CACNA2D3: variants seen among roughly 807,000 people sequenced by gnomAD.
CACNA2D3 encodes the protein calcium voltage-gated channel auxiliary subunit alpha2delta 3.
CACNA2D3 carries 60 observed loss-of-function variants against 160.6 expected under a neutral mutation model. The ratio of observed to expected loss-of-function variants is 0.37; its 90% CI spans 0.30 to 0.46. The LOEUF is 0.46. CACNA2D3 is among the 20% of genes least tolerant of loss of function. The pLI is 1.00. For synonymous variants in CACNA2D3, 558 were observed against 492.9 expected, an observed-to-expected ratio of 1.13 and a Z score of -1.75; for missense variants, 1,205 against 1,365.0, an observed-to-expected ratio of 0.88 and a Z score of 1.85.
In CACNA2D3 at chr3:54,545,535, CT is replaced by C. The variant is rs201192269; in HGVS notation, c.545-17257del. 2.0e-3 allele frequency among the ~76,000 whole-genome samples: 300 copies of C among 152,212 alleles called. 1 individual carries two copies. Among genetic ancestry groups the C allele is most frequent in the African/African-American group, 5.9e-3 (245 of 41,544 alleles). ...ATTATTTCCCACGAAGCACTTCTTT[CT>C]TTTTTTTCTTTACATCCCAAGAGAT... On this transcript the variant is annotated intron_variant, in intron 5 of 37. Transcript: ENST00000474759.
At chr3:54,626,348 A>G in intron 9 of CACNA2D3, 1 of 1,557,188 alleles carries the variant, frequency 6.4e-7, no homozygotes, top group Non-Finnish European at 8.7e-7. Context: ...CGGCGGCTGA[A>G]CCGGGGCCTG....
At chr3:54,691,702 C>T (rs185488968) in intron 11 of CACNA2D3, among the ~76,000 whole-genome samples, 191 of 152,298 alleles carry the variant, frequency 1.3e-3, no homozygotes, top group African/African-American at 4.5e-3. Context: ...GGAGAGGAGC[C>T]AGCTCTGGGG....
chr3:55,017,601 A>G (rs1360970363), intron 34 of CACNA2D3, among the ~76,000 whole-genome samples: 3 of 152,166 alleles, frequency 2.0e-5, no homozygotes, highest in Admixed American at 6.5e-5. Context: ...GAGGTTTTGG[A>G]TCTTGCCCAC....
At chr3:54,793,579 TTGGTGA>T (rs201471218) in intron 13 of CACNA2D3, among the ~76,000 whole-genome samples, 4,956 of 152,274 alleles carry the variant, frequency 0.033, 124 homozygotes, top group Non-Finnish European at 0.046. Context: ...GCAACCACTC[TTGGTGA>T]TGATGGGGCA....
At chr3:54,764,494 C>T (rs1575464452) in intron 13 of CACNA2D3, 143 bp downstream of exon 13, 2 of 957,684 alleles carry the variant, frequency 2.1e-6, no homozygotes, top group Non-Finnish European at 1.5e-6. Flanking sequence ...TGTTGGTCAC[C>T]TTGACAAGCA....
chr3:54,888,208 G>A (rs2360659), intron 24 of CACNA2D3, among the ~76,000 whole-genome samples, 156 bp downstream of exon 24: 16,822 of 152,256 alleles, frequency 0.11, 952 homozygotes, highest in Middle Eastern at 0.18. Flanking sequence ...GAGCAGATTA[G>A]CGGCTCGGGC....
chr3:54,464,948 T>C (rs1700589773), intron 4 of CACNA2D3, among the ~76,000 whole-genome samples: 1 of 152,200 alleles, frequency 6.6e-6, no homozygotes, highest in African/African-American at 2.4e-5. Flanking sequence ...CCTTTTCCCA[T>C]CTCTTCTCCT....
At chr3:54,678,234 G>A (rs1700278051) in intron 11 of CACNA2D3, among the ~76,000 whole-genome samples, 1 of 152,132 alleles carries the variant, frequency 6.6e-6, no homozygotes, top group Non-Finnish European at 1.5e-5. Context: ...GTAGTGGTGT[G>A]GTTATGGAGA....
intron 11 of CACNA2D3, among the ~76,000 whole-genome samples, chr3:54,672,531 T>C (rs1213077161): frequency 3.3e-5 from 5 of 152,220 alleles, no homozygotes; most frequent in Admixed American, 6.5e-5. Flanking sequence ...TAGGGGTTGT[T>C]TCCAGAATGA....
intron 4 of CACNA2D3, among the ~76,000 whole-genome samples, chr3:54,464,928 AT>A (rs1160807773): frequency 6.6e-6 from 1 of 151,782 alleles, no homozygotes; most frequent in Non-Finnish European, 1.5e-5. Context: ...CCTTAAATAC[AT>A]TTTCTATGCC....
At chr3:54,496,120 C>G (rs750420141) in intron 4 of CACNA2D3, among the ~76,000 whole-genome samples, 3 of 152,154 alleles carry the variant, frequency 2.0e-5, no homozygotes, top group Non-Finnish European at 4.4e-5. Context: ...AATATTCACA[C>G]AAATATTTTT....
At chr3:54,564,184 G>A (rs1461917821) in intron 6 of CACNA2D3, among the ~76,000 whole-genome samples, 2 of 152,142 alleles carry the variant, frequency 1.3e-5, no homozygotes, top group African/African-American at 4.8e-5. Context: ...ACTGTGAAGA[G>A]GGCAAGACAG....
intron 11 of CACNA2D3, among the ~76,000 whole-genome samples, chr3:54,661,225 G>A (rs1699964244): frequency 6.6e-6 from 1 of 152,166 alleles, no homozygotes; most frequent in South Asian, 2.1e-4. Flanking sequence ...GAGCCTTCTA[G>A]GTCAAAGCCT....
chr3:54,667,173 CT>C lies in CACNA2D3; in HGVS notation c.1167+24933del, dbSNP rs1700082462. Among the ~76,000 whole-genome samples the C allele has an allele frequency of 2.0e-5, 3 of 152,178 alleles. 1 individual carries two copies. In the South Asian group the frequency reaches 6.2e-4, roughly 32 times the overall value. ...GGTACATGAACACTGTTTTAAAACT[CT>C]GCTGATTGGATCATTTATGAGACAT... is the stretch of plus-strand genomic sequence containing the variant. On this transcript the variant is annotated intron_variant, in intron 11 of 37. Transcript: ENST00000474759.
At chr3:54,837,955 G>C (rs573750379) in intron 15 of CACNA2D3, among the ~76,000 whole-genome samples, 1 of 152,044 alleles carries the variant, frequency 6.6e-6, no homozygotes, top group African/African-American at 2.4e-5. Flanking sequence ...CATGAACTTG[G>C]GGGGACACTG....
chr3:54,228,817 G>C (rs1048354487), intron 2 of CACNA2D3, among the ~76,000 whole-genome samples: 1 of 152,204 alleles, frequency 6.6e-6, no homozygotes, highest in Non-Finnish European at 1.5e-5. Flanking sequence ...ATGGAGTCTG[G>C]GTTTTCAATT....
At chr3:54,693,008 G>A (rs1372736337) in intron 11 of CACNA2D3, among the ~76,000 whole-genome samples, 1 of 93,868 alleles carries the variant, frequency 1.1e-5, no homozygotes, top group Admixed American at 1.4e-4. Flanking sequence ...GGATTTCATG[G>A]ACCAGCAAAA....
chr3:54,562,672 A>G (rs946188650), intron 5 of CACNA2D3, 128 bp from the exon 6 acceptor site: 8 of 752,654 alleles, frequency 1.1e-5, no homozygotes, highest in African/African-American at 1.7e-5. Flanking sequence ...TGTGGCTATA[A>G]CTTCCTTCAT....
chr3:54,414,560 G>C (rs1370202438), intron 4 of CACNA2D3, among the ~76,000 whole-genome samples: 2 of 151,760 alleles, frequency 1.3e-5, no homozygotes, highest in East Asian at 3.9e-4. Context: ...TTTTTTCTTT[G>C]CCGCTTATGT....
Sources: allele counts gnomAD v4.1 joint callset (sites outside exome capture counted in the v4.1 genomes callset), GRCh38; gene constraint gnomAD v4.1.1; transcripts MANE v1.5; gene names NCBI Gene and HGNC (gene_info 2026-07-23, HGNC 2026-07-21).